PARP4: variants seen among roughly 807,000 people sequenced by gnomAD.
PARP4 encodes the protein protein mono-ADP-ribosyltransferase PARP4.
In PARP4, 120 loss-of-function variants were observed where a neutral mutation model predicts 187.7. The ratio of observed to expected loss-of-function variants is 0.64; its 90% CI spans 0.55 to 0.74. The LOEUF (loss-of-function observed/expected upper bound fraction) is 0.74. Among genes scored for constraint, PARP4 ranks in the 30% least tolerant of loss-of-function variants. The probability of loss-of-function intolerance (pLI) is 0.00; values close to 1 mark genes in which losing one functional copy is unlikely to be tolerated. For synonymous variants in PARP4, 654 were observed against 740.9 expected (o/e 0.88, Z 1.90); for missense variants, 1,836 against 2,070.5 (o/e 0.89, Z 2.20).
At chr13:24,510,535 C>T (rs1869953439) in intron 1 of PARP4, among the ~76,000 whole-genome samples, 1 of 117,652 alleles carries the variant, frequency 8.5e-6, no homozygotes, top group African/African-American at 3.5e-5. Flanking sequence ...GCCTGGGCGA[C>T]AGAGCGAGAC....
intron 15 of PARP4, among the ~76,000 whole-genome samples, chr13:24,473,732 CCCA>C (rs1872836637): frequency 6.6e-6 from 1 of 152,110 alleles, no homozygotes; most frequent in African/African-American, 2.4e-5. Flanking sequence ...GCCTTTCACC[CCCA>C]CCACACCATC....
intron 31 of PARP4, among the ~76,000 whole-genome samples, chr13:24,432,641 A>G (rs915496661): frequency 3.3e-5 from 5 of 152,240 alleles, no homozygotes; most frequent in Non-Finnish European, 7.3e-5. Flanking sequence ...TGTATTGTAC[A>G]GTAGATCTCC....
intron 1 of PARP4, among the ~76,000 whole-genome samples, chr13:24,505,600 T>C (rs1869594636): frequency 6.6e-6 from 1 of 152,148 alleles, no homozygotes; most frequent in Non-Finnish European, 1.5e-5. Flanking sequence ...GCTTACAAAA[T>C]GTTGCAGTTT....
Position 24,501,754 on chromosome 13 carries a change from A to C in PARP4, c.213T>G (p.Ile71Met), listed in dbSNP as rs1869300305. ...ATTTCCATATAAAATCTGGGTTTGC[A>C]ATATGAACGTGGTTCTTTTGGATAG... Reference protein sequence around the residue: ...LNSIQKNHVHIANPDFIWKSI... With the variant: ...LNSIQKNHVHMANPDFIWKSI... The change falls in exon 3 of 34, where the codon ATT becomes ATG. Residue 71 changes from isoleucine (I) to methionine (M), a missense_variant. Physicochemically the swap from Ile to Met is conservative, Grantham distance 10. This residue lies in a region of PARP4 where 1,147 missense variants were observed against 1,214.2 expected (regional missense o/e 0.94). Transcript: ENST00000381989. 12 of 1,612,406 alleles carry C rather than the reference A, an allele frequency of 7.4e-6. No homozygotes were observed. The highest frequency in any genetic ancestry group is 1.0e-5 in the Non-Finnish European group (12 of 1,178,414).
intron 2 of PARP4, 116 bp downstream of exon 2, chr13:24,503,529 C>G: frequency 8.0e-7 from 1 of 1,248,424 alleles, no homozygotes; most frequent in Non-Finnish European, 1.1e-6. Context: ...TGATGAACTT[C>G]GAGTAGCTCA....
chr13:24,439,749 C>T (rs1238276418), intron 30 of PARP4, among the ~76,000 whole-genome samples: 4 of 152,134 alleles, frequency 2.6e-5, no homozygotes, highest in Non-Finnish European at 4.4e-5. Context: ...CAAGGACAAA[C>T]AGTTGATTCT....
intron 17 of PARP4, among the ~76,000 whole-genome samples, chr13:24,460,436 G>A (rs1872154101): frequency 6.6e-6 from 1 of 151,870 alleles, no homozygotes; most frequent in African/African-American, 2.4e-5. Flanking sequence ...TGAGCTCTCT[G>A]CACACGTGGG....
At position 24,453,618 on chromosome 13, in the gene PARP4, G is replaced by A. The variant is rs1871653896; in HGVS notation, c.2795C>T (p.Thr932Ile). 1 of 1,607,060 alleles carries A rather than the reference G, an allele frequency of 6.2e-7. No homozygotes were observed. Among genetic ancestry groups the A allele is most frequent in the Non-Finnish European group, 8.5e-7 (1 of 1,173,602 alleles). ...GAACTCTGCTGCCATGGTATTGCTT[G>A]TGATATGCTTAGGATACGAAAATAG... ...KELFSYPKHI[T>I]SNTMAAEFIM... Residue 932 changes from threonine to isoleucine, a missense_variant, in exon 23 of 34, where the codon ACA becomes ATA. This residue lies in a region of PARP4 where 1,147 missense variants were observed against 1,214.2 expected (regional missense o/e 0.94). Transcript: ENST00000381989.
At chr13:24,450,928 T>C (rs1426071505) in intron 24 of PARP4, among the ~76,000 whole-genome samples, 1 of 151,926 alleles carries the variant, frequency 6.6e-6, no homozygotes, top group South Asian at 2.1e-4. Flanking sequence ...CAAGCTGGAG[T>C]GCAACTGCCT....
At chr13:24,489,396 T>C (rs1868498980) in intron 10 of PARP4, among the ~76,000 whole-genome samples, 1 of 152,086 alleles carries the variant, frequency 6.6e-6, no homozygotes. Flanking sequence ...GATCACAAGG[T>C]CAGGAGATCA....
intron 33 of PARP4, among the ~76,000 whole-genome samples, chr13:24,423,520 G>A (rs1869856107): frequency 7.6e-6 from 1 of 131,658 alleles, no homozygotes; most frequent in African/African-American, 3.1e-5. Flanking sequence ...GACAGAACGA[G>A]ATCTGGCCTC....
rs1317328784 is a variant in PARP4 at position 24,425,577 on chromosome 13, A to G, written c.4979+889T>C. Among the ~76,000 whole-genome samples, 168 of 117,546 alleles carry G rather than the reference A, an allele frequency of 1.4e-3. 2 individuals are homozygous for G. The highest frequency in any genetic ancestry group is 1.7e-3 in the African/African-American group (43 of 26,010). The allele number at this position is 117,546 out of a possible 152,430, so 77.1% of individuals were successfully genotyped here. ...TGTGTGTGTGTGTGTGTGTATATCT[A>G]TATCTATATCTATATCTATATCTAT... On this transcript the variant is annotated intron_variant, in intron 33 of 33. Coordinates refer to ENST00000381989, the MANE Select transcript of PARP4 (RefSeq NM_006437.4).
chr13:24,504,332 G>GTTT (rs1352460496), intron 1 of PARP4, among the ~76,000 whole-genome samples: 20 of 84,998 alleles, frequency 2.4e-4, no homozygotes, highest in Non-Finnish European at 3.4e-4. Context: ...TTTTTTTTTG[G>GTTT]AGACGGAATC....
intron 17 of PARP4, among the ~76,000 whole-genome samples, chr13:24,465,822 A>C (rs1248756931): frequency 2.0e-5 from 3 of 152,260 alleles, no homozygotes. Context: ...TAGAATTTAT[A>C]ATATATGAAG....
intron 25 of PARP4, among the ~76,000 whole-genome samples, chr13:24,449,332 G>A (rs1474507312): frequency 6.7e-6 from 1 of 149,244 alleles, no homozygotes; most frequent in Non-Finnish European, 1.5e-5. Flanking sequence ...AGCTTGCAGT[G>A]AGCCGAGATG....
At chr13:24,453,843 G>A (rs938473216) in intron 22 of PARP4, among the ~76,000 whole-genome samples, 189 bp from the exon 23 acceptor site, 6 of 152,100 alleles carry the variant, frequency 3.9e-5, no homozygotes, top group Non-Finnish European at 8.8e-5. Flanking sequence ...GGCCAGGCAC[G>A]GTGGCTCATG....
intron 27 of PARP4, among the ~76,000 whole-genome samples, chr13:24,445,727 A>T (rs1871176361): frequency 6.6e-6 from 1 of 152,226 alleles, no homozygotes; most frequent in Admixed American, 6.5e-5. Flanking sequence ...CTGTTACAGC[A>T]AATTACTGTA....
At chr13:24,485,180 T>C (rs1873487942) in intron 11 of PARP4, among the ~76,000 whole-genome samples, 1 of 152,214 alleles carries the variant, frequency 6.6e-6, no homozygotes, top group African/African-American at 2.4e-5. Context: ...TCTCTATAGA[T>C]AGTATTGAAG....
intron 9 of PARP4, among the ~76,000 whole-genome samples, chr13:24,491,652 A>G (rs76764405): frequency 2.0e-5 from 3 of 152,190 alleles, no homozygotes; most frequent in Non-Finnish European, 4.4e-5. Flanking sequence ...ATGAGGGAAC[A>G]CGGACCAAGA....
Sources: allele counts gnomAD v4.1 joint callset (sites outside exome capture counted in the v4.1 genomes callset), GRCh38; gene constraint gnomAD v4.1.1; regional missense constraint gnomAD v4.1.1; transcripts MANE v1.5; gene names NCBI Gene and HGNC (gene_info 2026-07-23, HGNC 2026-07-21).